The following NR4A3 variants were observed in gnomAD, a reference collection of about 807,000 sequenced individuals.
The protein encoded by NR4A3 is nuclear receptor subfamily 4 group A member 3, also known as chondrosarcoma, extraskeletal myxoid, fused to EWS.
NR4A3 carries 13 observed loss-of-function variants against 55.6 expected under a neutral mutation model. That is an observed-to-expected ratio of 0.23 (90% CI 0.15 to 0.37). NR4A3 has a LOEUF of 0.37. NR4A3 is among the 10% of genes least tolerant of loss of function. NR4A3 has a pLI of 1.00. For missense variants in NR4A3, 646 were observed against 822.8 expected, an observed-to-expected ratio of 0.79 and a Z score of 2.63; for synonymous variants, 342 against 357.9, an observed-to-expected ratio of 0.96 and a Z score of 0.50.
rs1003096828 is a variant in NR4A3 at position 99,866,520 on chromosome 9, A to T, written c.*2653A>T. On this transcript the variant is annotated 3_prime_UTR_variant, in exon 8 of 8. Coordinates refer to ENST00000395097, the MANE Select transcript of NR4A3 (RefSeq NM_006981.4). ...TCTTCTGTCTTCCATAGTTATTACA[A>T]CTATGAGAGCCTCCCAAGTCATCTT... 1.7e-5 allele frequency: 4 copies of T among 228,944 alleles called. No individual in the cohort carries two copies. Among genetic ancestry groups the T allele is most frequent in the Admixed American group, 1.1e-4 (2 of 17,626 alleles). 14.2% of individuals were successfully genotyped at this position (228,944 alleles called of 1,614,324 possible).
intron 7 of NR4A3, among the ~76,000 whole-genome samples, chr9:99,857,033 A>T (rs897854317): frequency 6.6e-6 from 1 of 152,252 alleles, no homozygotes; most frequent in African/African-American, 2.4e-5. Flanking sequence ...GAAATAGATT[A>T]TAGCAGATAC....
Position 99,828,381 on chromosome 9 carries a change from G to T in NR4A3, c.339G>T (p.Gln113His). The T allele has an allele frequency of 6.3e-7, 1 of 1,595,046 alleles. No homozygotes were observed. The highest frequency in any genetic ancestry group is 8.5e-7 in the Non-Finnish European group (1 of 1,170,868). Residue 113 changes from glutamine to histidine, a missense_variant, in exon 3 of 8, where the codon CAG becomes CAT. Gln to His is a conservative substitution (Grantham distance 24). This residue lies in a region of NR4A3 where 426 missense variants were observed against 429.4 expected (regional missense o/e 0.99). Coordinates refer to ENST00000395097, the MANE Select transcript of NR4A3 (RefSeq NM_006981.4). The surrounding 1 kb of genome is among the most constrained non-coding windows in gnomAD (Gnocchi z 7.7). ...ACCACCATCACCAGCAGCAGCATCA[G>T]CAGCCATCCATTCCTCCAGCCTCCA... The part of the protein sequence containing the change: ...HHHHHHQQQH[Q>H]QPSIPPASSP...
intron 3 of NR4A3, among the ~76,000 whole-genome samples, chr9:99,830,768 G>A (rs1827424402): frequency 6.6e-6 from 1 of 152,182 alleles, no homozygotes. Flanking sequence ...CTGAAGGACA[G>A]TGAAACTGGC....
At chr9:99,858,067 T>A (rs1202030801) in intron 7 of NR4A3, among the ~76,000 whole-genome samples, 1 of 152,188 alleles carries the variant, frequency 6.6e-6, no homozygotes, top group Non-Finnish European at 1.5e-5. Flanking sequence ...ATACAGTTCA[T>A]GCCCCCATGG....
intron 4 of NR4A3, among the ~76,000 whole-genome samples, chr9:99,833,045 A>G (rs772100434): frequency 2.6e-5 from 4 of 152,198 alleles, no homozygotes; most frequent in Non-Finnish European, 5.9e-5. Context: ...TCTATTTAAG[A>G]AGGAGACTTT....
rs1681112666 is a variant in NR4A3 at position 99,864,373 on chromosome 9, A to C, written c.*506A>C. The C allele has an allele frequency of 4.4e-6, 1 of 228,318 alleles. No homozygotes were observed. Among genetic ancestry groups the C allele is most frequent in the African/African-American group, 2.2e-5 (1 of 45,206 alleles). The allele number at this position is 228,318 out of a possible 1,614,324, so 14.1% of individuals were successfully genotyped here. ...CAAACAAGGCAGAAACTTCCTTTTA[A>C]TTTCCTTCTTCCTTTATTTTAACAA... On this transcript the variant is annotated 3_prime_UTR_variant, in exon 8 of 8. Transcript: ENST00000395097.
rs762248116 is a variant in NR4A3, at chr9:99,844,798, A to G, written c.1404A>G (p.Leu468=). Residue 468 remains leucine, a synonymous_variant, in exon 6 of 8, where the codon TTA becomes TTG. Transcript: ENST00000395097. The part of the protein sequence containing the change: ...FTDLPKEDQT[L]LIESAFLELF... ...ATCTCCCCAAAGAAGATCAGACATT[A>G]CTTATTGAATCAGCCTTTTTGGAGC... 2 of 1,614,198 alleles carry G rather than the reference A, an allele frequency of 1.2e-6. No homozygotes were observed. The highest frequency in any genetic ancestry group is 2.2e-5 in the South Asian group (2 of 91,080).
At position 99,866,335 on chromosome 9, in the gene NR4A3, AAC is replaced by A. The variant is rs1828097477; in HGVS notation, c.*2470_*2471del. On this transcript the variant is annotated 3_prime_UTR_variant, in exon 8 of 8. Coordinates refer to ENST00000395097, the MANE Select transcript of NR4A3 (RefSeq NM_006981.4). Reference sequence around the variant, plus strand: ...TAAAGGAAGAACAAAACAAAATAAAAACAGAGCCCTAGAGAAATGCTGTTACT... The same window carrying A: ...TAAAGGAAGAACAAAACAAAATAAAAAGAGCCCTAGAGAAATGCTGTTACT... 4.5e-6 allele frequency: 1 copy of A among 221,700 alleles called. No individual in the cohort carries two copies. Among genetic ancestry groups the A allele is most frequent in the Non-Finnish European group, 9.0e-6 (1 of 110,580 alleles). 13.7% of individuals were successfully genotyped at this position (221,700 alleles called of 1,614,324 possible). A position where few individuals can be genotyped will look rare whatever the true frequency, so the allele number is the denominator to read the frequency against.
At position 99,832,711 on chromosome 9, in the gene NR4A3, A is replaced by C. The variant is rs1311176514; in HGVS notation, c.974A>C (p.Lys325Thr). 6.2e-7 allele frequency: 1 copy of C among 1,609,268 alleles called. No individual in the cohort carries two copies. Among genetic ancestry groups the C allele is most frequent in the Admixed American group, 1.7e-5 (1 of 59,806 alleles). ...FFKRTVQKNA[K>T]YVCLANKNCP... Reference sequence around the variant, plus strand: ...CAGAGAACAGTGCAGAAAAATGCAAAATATGTTTGCCTGGCAAATAAAAAC... The same window carrying C: ...CAGAGAACAGTGCAGAAAAATGCAACATATGTTTGCCTGGCAAATAAAAAC... Residue 325 changes from lysine to threonine, a missense_variant, in exon 4 of 8, where the codon AAA becomes ACA. Physicochemically the swap from Lys to Thr is moderately conservative, Grantham distance 78. This residue lies in a region of NR4A3 where 44 missense variants were observed against 119.3 expected (regional missense o/e 0.37). Transcript: ENST00000395097.
intron 1 of NR4A3, among the ~76,000 whole-genome samples, chr9:99,823,578 T>A (rs145739435): frequency 6.6e-6 from 1 of 152,228 alleles, no homozygotes; most frequent in African/African-American, 2.4e-5. Flanking sequence ...GGGAAATATT[T>A]TATAGAATCA....
At chr9:99,856,589 A>G (rs1827932008) in intron 7 of NR4A3, among the ~76,000 whole-genome samples, 1 of 152,212 alleles carries the variant, frequency 6.6e-6, no homozygotes. Context: ...ACATAGAAAG[A>G]ACCATTTGAA....
rs769234964 is a variant in NR4A3, at chr9:99,828,895, T to C, written c.853T>C (p.Ser285Pro). The C allele has an allele frequency of 1.3e-6, 2 of 1,508,176 alleles. No homozygotes were observed. The highest frequency in any genetic ancestry group is 1.8e-6 in the Non-Finnish European group (2 of 1,132,670). 93.4% of individuals were successfully genotyped at this position (1,508,176 alleles called of 1,614,324 possible). The stretch of plus-strand genomic sequence containing the variant: ...CCTGCCGTCGCCGCCCAGCAGGAGC[T>C]CGTCGTCTGGCGAGGGCACGTGTGC... ...PSLPSPPSRSSSSGEGTCAVC... is the reference protein window; with the variant it reads ...PSLPSPPSRSPSSGEGTCAVC... Residue 285 changes from serine (S) to proline (P), a missense_variant, in exon 3 of 8, where the codon TCG becomes CCG. Physicochemically the swap from Ser to Pro is moderately conservative, Grantham distance 74. Coordinates refer to ENST00000395097, the MANE Select transcript of NR4A3 (RefSeq NM_006981.4). The surrounding 1 kb of genome is among the most constrained non-coding windows in gnomAD (Gnocchi z 7.7).
chr9:99,859,001 T>C (rs2118165308), intron 7 of NR4A3, among the ~76,000 whole-genome samples: 1 of 152,332 alleles, frequency 6.6e-6, no homozygotes, highest in East Asian at 1.9e-4. Flanking sequence ...CTCAAACCCT[T>C]TCCAATCTAT....
At chr9:99,843,500 G>A (rs1827691059) in intron 5 of NR4A3, among the ~76,000 whole-genome samples, 1 of 152,082 alleles carries the variant, frequency 6.6e-6, no homozygotes, top group Admixed American at 6.5e-5. Flanking sequence ...CATTGTGTAT[G>A]AGAATCACCT....
intron 7 of NR4A3, among the ~76,000 whole-genome samples, chr9:99,848,834 C>G (rs1166166286): frequency 6.6e-6 from 1 of 152,188 alleles, no homozygotes; most frequent in African/African-American, 2.4e-5. Context: ...CCCCAGCTCC[C>G]TTTGCCCCGG....
Position 99,828,431 on chromosome 9 carries a change from G to A in NR4A3, c.389G>A (p.Ser130Asn). The A allele has an allele frequency of 6.3e-7, 1 of 1,583,958 alleles. No homozygotes were observed. Among genetic ancestry groups the A allele is most frequent in the Non-Finnish European group, 8.6e-7 (1 of 1,165,012 alleles). Reference sequence around the variant, plus strand: ...AGCCCGGAGGACGAGGTGCTGCCCAGCACCTCCATGTACTTCAAGCAGTCC... The same window carrying A: ...AGCCCGGAGGACGAGGTGCTGCCCAACACCTCCATGTACTTCAAGCAGTCC... ...ASSPEDEVLP[S>N]TSMYFKQSPP... Residue 130 changes from serine (S) to asparagine (N), a missense_variant, in exon 3 of 8, where the codon AGC (serine) becomes AAC (asparagine). Coordinates refer to ENST00000395097, the MANE Select transcript of NR4A3 (RefSeq NM_006981.4). This position sits in a 1 kb window ranked among gnomAD's most constrained non-coding sequence, Gnocchi z 7.7.
At chr9:99,836,850 C>T (rs951515557) in intron 5 of NR4A3, among the ~76,000 whole-genome samples, 3 of 152,220 alleles carry the variant, frequency 2.0e-5, no homozygotes, top group Non-Finnish European at 4.4e-5. Context: ...GCTCCCCTTT[C>T]TCTACATTCT....
chr9:99,857,480 AG>A (rs1827947228), intron 7 of NR4A3, among the ~76,000 whole-genome samples: 1 of 152,146 alleles, frequency 6.6e-6, no homozygotes, highest in Admixed American at 6.6e-5. Flanking sequence ...ACAGACCCAA[AG>A]TCACCCAGTT....
chr9:99,828,736 G>A lies in NR4A3; in HGVS notation c.694G>A (p.Gly232Ser). Residue 232 changes from glycine to serine, a missense_variant, in exon 3 of 8, where the codon GGC becomes AGC. Transcript: ENST00000395097. This position sits in a 1 kb window ranked among gnomAD's most constrained non-coding sequence, Gnocchi z 7.7. ...GCCGCTGGGAGCCGCAGCCGCCGCG[G>A]GCAGCCAGGCCGCCGCGCTTGAGAG... Reference protein sequence around the residue: ...SLPLGAAAAAGSQAAALESHP... With the variant: ...SLPLGAAAAASSQAAALESHP... 1 of 1,309,044 alleles carries A rather than the reference G, an allele frequency of 7.6e-7. No individual in the cohort carries two copies. The highest frequency in any genetic ancestry group is 2.1e-5 in the South Asian group (1 of 46,802). 81.1% of individuals were successfully genotyped at this position (1,309,044 alleles called of 1,614,324 possible). A position where few individuals can be genotyped will look rare whatever the true frequency, so the allele number is the denominator to read the frequency against.
Sources: gnomAD v4.1 joint callset for allele counts (sites outside exome capture counted in the v4.1 genomes callset) on GRCh38, gnomAD v4.1.1 for gene constraint, gnomAD v4.1.1 regional missense constraint, Gnocchi (gnomAD v3.1) non-coding constraint, MANE v1.5 for transcripts, NCBI Gene and HGNC (gene_info 2026-07-23, HGNC 2026-07-21) for gene names.